Variants in KLHL12 observed in about 807,000 individuals in gnomAD.
The protein encoded by KLHL12 is kelch like family member 12.
A neutral mutation model predicts 60.8 loss-of-function variants in KLHL12; 17 were observed. The observed-to-expected ratio is 0.28, with a 90% CI of 0.19 to 0.42. The LOEUF is 0.42. Among genes scored for constraint, KLHL12 ranks in the 10% least tolerant of loss-of-function variants. KLHL12 has a pLI of 1.00. For synonymous variants in KLHL12, 220 were observed against 250.9 expected, an observed-to-expected ratio of 0.88 and a Z score of 1.16; for missense variants, 468 against 722.3, an observed-to-expected ratio of 0.65 and a Z score of 4.04.
intron 2 of KLHL12, among the ~76,000 whole-genome samples, chr1:202,923,386 C>T (rs1257797594): frequency 6.6e-6 from 1 of 152,114 alleles, no homozygotes; most frequent in Non-Finnish European, 1.5e-5. Context: ...CAGTATAGGA[C>T]AGGGATCTGC....
chr1:202,902,951 T>G (rs2102419098), intron 6 of KLHL12, among the ~76,000 whole-genome samples: 2 of 151,556 alleles, frequency 1.3e-5, no homozygotes, highest in African/African-American at 4.8e-5. Flanking sequence ...TGAGCCAAAA[T>G]CATGCCATTG....
At position 202,893,117 on chromosome 1, in the gene KLHL12, A is replaced by G. The variant is rs912514101; in HGVS notation, c.1580+122T>C. 4.3e-6 allele frequency: 3 copies of G among 700,600 alleles called. No homozygotes were observed. In the African/African-American group the frequency reaches 5.5e-5, roughly 13 times the overall value. 43.4% of individuals were successfully genotyped at this position (700,600 alleles called of 1,614,324 possible). A position where few individuals can be genotyped will look rare whatever the true frequency, so the allele number is the denominator to read the frequency against. On this transcript the variant is annotated intron_variant, in intron 11 of 11. Transcript: ENST00000367261. This position sits in a 1 kb window ranked among gnomAD's most constrained non-coding sequence, Gnocchi z 4.1. ...TAAAAAAAATCTAATAAAAAAAATC[A>G]AGTTGCCACTGGAGATGTCTACCCC...
chr1:202,896,837 G>A lies in KLHL12; in HGVS notation c.939+17C>T, dbSNP rs766094982. 10 of 1,579,384 alleles carry A rather than the reference G, an allele frequency of 6.3e-6. No individual in the cohort carries two copies. In the East Asian group the frequency reaches 2.0e-4, roughly 32 times the overall value. Reference sequence around the variant, plus strand: ...CATTTAACATCCCTCCCAACGAATGGTTTCACCATTATTTACTGGCAAAAA... The same window carrying A: ...CATTTAACATCCCTCCCAACGAATGATTTCACCATTATTTACTGGCAAAAA... On this transcript the variant is annotated intron_variant, in intron 7 of 11. Coordinates refer to ENST00000367261, the MANE Select transcript of KLHL12 (RefSeq NM_021633.4).
intron 7 of KLHL12, among the ~76,000 whole-genome samples, chr1:202,896,450 C>A (rs1383146475): frequency 6.6e-6 from 1 of 152,200 alleles, no homozygotes; most frequent in Non-Finnish European, 1.5e-5. Flanking sequence ...CTCAGCCTCC[C>A]AAAGGGCTGG....
intron 1 of KLHL12, 114 bp downstream of exon 1, chr1:202,926,975 G>C: frequency 1.2e-6 from 1 of 805,352 alleles, no homozygotes; most frequent in Non-Finnish European, 1.5e-6. Context: ...TCCTCTGTTG[G>C]GCATGTCTCC....
At chr1:202,911,851 A>G in intron 4 of KLHL12, 1 of 819,212 alleles carries the variant, frequency 1.2e-6, no homozygotes, top group South Asian at 1.4e-5. Flanking sequence ...CAAACAGCTG[A>G]GGAAGCTCTT....
intron 2 of KLHL12, among the ~76,000 whole-genome samples, chr1:202,922,940 G>C (rs1056078445): frequency 6.6e-6 from 1 of 152,146 alleles, no homozygotes; most frequent in Non-Finnish European, 1.5e-5. Context: ...GACATTTGAG[G>C]AGCATTTCAT....
intron 6 of KLHL12, among the ~76,000 whole-genome samples, chr1:202,900,378 C>T (rs569506877): frequency 1.3e-5 from 2 of 151,278 alleles, no homozygotes; most frequent in East Asian, 3.9e-4. Context: ...ACTCCCATAT[C>T]TAGAAAAAAA....
At chr1:202,928,340 C>T (rs891843804), upstream of KLHL12, 8 of 359,188 alleles carry the variant, frequency 2.2e-5, no homozygotes, top group Non-Finnish European at 3.9e-5. Context: ...TTGTGGGGTC[C>T]GGCAGGGAGC....
intron 1 of KLHL12, 67 bp downstream of exon 1, chr1:202,927,021 AG>A (rs993192040): frequency 4.0e-5 from 39 of 965,026 alleles, no homozygotes; most frequent in Non-Finnish European, 4.7e-5. Context: ...GATGGGGGGT[AG>A]GGCCATAACC....
At chr1:202,903,460 G>GTT (rs11404714) in intron 6 of KLHL12, among the ~76,000 whole-genome samples, 74 of 132,442 alleles carry the variant, frequency 5.6e-4, no homozygotes, top group Admixed American at 5.0e-4. Flanking sequence ...ATGCATTCTT[G>GTT]TTTTTTTTTT....
intron 9 of KLHL12, 87 bp downstream of exon 9, chr1:202,894,504 T>C: frequency 1.5e-6 from 2 of 1,370,654 alleles, no homozygotes; most frequent in Non-Finnish European, 2.1e-6. Context: ...GGGAAGTCTA[T>C]GAACGTCATT....
chr1:202,910,357 A>T (rs1039912758), intron 5 of KLHL12, among the ~76,000 whole-genome samples: 5 of 152,234 alleles, frequency 3.3e-5, no homozygotes, highest in African/African-American at 1.2e-4. Flanking sequence ...GAAAGACAGA[A>T]ATCACAAACA....
At chr1:202,927,010 G>A (rs1184818333) in intron 1 of KLHL12, 79 bp downstream of exon 1, 8 of 957,324 alleles carry the variant, frequency 8.4e-6, no homozygotes, top group Non-Finnish European at 9.9e-6. Context: ...GGGAGACCAA[G>A]GATGGGGGGT....
intron 6 of KLHL12, among the ~76,000 whole-genome samples, chr1:202,902,162 TG>T (rs1660025762): frequency 6.6e-6 from 1 of 152,176 alleles, no homozygotes; most frequent in African/African-American, 2.4e-5. Flanking sequence ...CCGGGCACAG[TG>T]GCTAGCGCCT....
At chr1:202,927,344 C>T (rs1289526468), upstream of KLHL12, 3 of 893,614 alleles carry the variant, frequency 3.4e-6, no homozygotes, top group Non-Finnish European at 4.0e-6. Flanking sequence ...CCTGTCTGTA[C>T]CCTAGCGCGG....
chr1:202,901,508 C>T (rs1171659855), intron 6 of KLHL12, among the ~76,000 whole-genome samples: 2 of 150,234 alleles, frequency 1.3e-5, no homozygotes, highest in East Asian at 3.9e-4. Flanking sequence ...CACTATGTTG[C>T]TCAGGCTGGT....
chr1:202,898,894 G>A (rs1659920728), intron 6 of KLHL12, among the ~76,000 whole-genome samples: 1 of 151,010 alleles, frequency 6.6e-6, no homozygotes, highest in Non-Finnish European at 1.5e-5. Context: ...GTGAGAATAA[G>A]GAATTGTGTG....
intron 2 of KLHL12, 143 bp downstream of exon 2, chr1:202,924,825 A>T: frequency 1.2e-6 from 1 of 865,036 alleles, no homozygotes; most frequent in Non-Finnish European, 1.8e-6. Flanking sequence ...TAGTCATCTA[A>T]GTGGTAGATC....
Sources: allele counts gnomAD v4.1 joint callset (sites outside exome capture counted in the v4.1 genomes callset), GRCh38; gene constraint gnomAD v4.1.1; non-coding constraint Gnocchi (gnomAD v3.1); transcripts MANE v1.5; gene names NCBI Gene and HGNC (gene_info 2026-07-23, HGNC 2026-07-21).